Variants in USP19 observed in about 807,000 individuals in gnomAD.
The protein encoded by USP19 is ubiquitin carboxyl-terminal hydrolase 19.
In USP19, 40 loss-of-function variants were observed where a neutral mutation model predicts 144.8. That is an observed-to-expected ratio of 0.28 (90% CI 0.21 to 0.36). USP19 has a LOEUF of 0.36. Ranked by LOEUF, USP19 falls within the 10% of genes least tolerant of loss-of-function variation. The pLI is 1.00. For synonymous variants in USP19, 701 were observed against 709.3 expected, an observed-to-expected ratio of 0.99 and a Z score of 0.19; for missense variants, 1,518 against 1,822.5, an observed-to-expected ratio of 0.83 and a Z score of 3.04.
rs1392189910 is a variant in USP19, at chr3:49,112,184, G to C, written c.2765+100C>G. 3.2e-6 allele frequency: 5 copies of C among 1,541,398 alleles called. No homozygotes were observed. In the East Asian group the frequency reaches 9.6e-5, roughly 30 times the overall value. On this transcript the variant is annotated intron_variant, in intron 19 of 26. Transcript: ENST00000417901. This position sits in a 1 kb window ranked among gnomAD's most constrained non-coding sequence, Gnocchi z 4.9. ...AGAGCCTGGTAAAGTAGGGTGGCAA[G>C]TAGAAAGCTTAAGCATATGTGCCTT...
At position 49,117,506 on chromosome 3, in the gene USP19, G is replaced by C. The variant is rs1018102481; in HGVS notation, c.537C>G (p.Thr179=). The change falls in exon 5 of 27, where the codon ACC becomes ACG. Residue 179 remains threonine, a synonymous_variant. Coordinates refer to ENST00000417901, the MANE Select transcript of USP19 (RefSeq NM_001199161.2). This position sits in a 1 kb window ranked among gnomAD's most constrained non-coding sequence, Gnocchi z 4.4. ...EIKSSCAKVQ[T]RKGSLLHLTL... is the part of the protein sequence containing the mutation. ...TCAGGTGCAGGAGACTGCCCTTGCGGGTTTGCACTTTAGCACAAGAGCTTT... is the reference window on the plus strand; with the variant it reads ...TCAGGTGCAGGAGACTGCCCTTGCGCGTTTGCACTTTAGCACAAGAGCTTT... 6.8e-6 allele frequency: 11 copies of C among 1,614,012 alleles called. No individual in the cohort carries two copies. The highest frequency in any genetic ancestry group is 9.3e-6 in the Non-Finnish European group (11 of 1,180,052).
Position 49,112,221 on chromosome 3 carries a change from A to T in USP19, c.2765+63T>A, listed in dbSNP as rs1020373735. ...AGCATATGTGCCTTGGTGTGAAGGG[A>T]AGGAGCAGGGTGGCACATGGAAGGT... On this transcript the variant is annotated intron_variant, in intron 19 of 26. Coordinates refer to ENST00000417901, the MANE Select transcript of USP19 (RefSeq NM_001199161.2). The surrounding 1 kb of genome is among the most constrained non-coding windows in gnomAD (Gnocchi z 4.9). 5 of 1,560,120 alleles carry T rather than the reference A, an allele frequency of 3.2e-6. No individual in the cohort carries two copies. The highest frequency in any genetic ancestry group is 4.3e-6 in the Non-Finnish European group (5 of 1,152,046).
Position 49,115,752 on chromosome 3 carries a change from G to T in USP19, c.1664C>A (p.Thr555Asn), listed in dbSNP as rs201621305. Residue 555 changes from threonine to asparagine, a missense_variant, in exon 11 of 27, where the codon ACC becomes AAC. Thr to Asn is a moderately conservative substitution (Grantham distance 65). This residue lies in a region of USP19 where 707 missense variants were observed against 728.9 expected (regional missense o/e 0.97). Coordinates refer to ENST00000417901, the MANE Select transcript of USP19 (RefSeq NM_001199161.2). This position sits in a 1 kb window ranked among gnomAD's most constrained non-coding sequence, Gnocchi z 6.6. ...VATRTPMEHV[T>N]PKPETHLASP... ...GGCCAGGTGTGTCTCTGGCTTTGGG[G>T]TTACATGCTCCATGGGTGTGCGGGT... The T allele has an allele frequency of 3.0e-4, 485 of 1,612,642 alleles. No individual in the cohort carries two copies. The highest frequency in any genetic ancestry group is 3.7e-4 in the Non-Finnish European group (433 of 1,178,902).
chr3:49,115,158 C>T lies in USP19; in HGVS notation c.2023-41G>A. The stretch of plus-strand genomic sequence containing the variant: ...AAGGTGTGAACATGAAGCCCTAGCA[C>T]CCACTGCACACCCAGCTGGCTGGCC... On this transcript the variant is annotated intron_variant, in intron 13 of 26. Transcript: ENST00000417901. This position sits in a 1 kb window ranked among gnomAD's most constrained non-coding sequence, Gnocchi z 6.6. 1 of 1,613,078 alleles carries T rather than the reference C, an allele frequency of 6.2e-7. No homozygotes were observed. The highest frequency in any genetic ancestry group is 8.5e-7 in the Non-Finnish European group (1 of 1,179,526).
At position 49,115,859 on chromosome 3, in the gene USP19, CAG is replaced by C; in HGVS notation, c.1555_1556del (p.Leu519AspfsTer13). On this transcript the variant is annotated frameshift_variant, in exon 11 of 27. Coordinates refer to ENST00000417901, the MANE Select transcript of USP19 (RefSeq NM_001199161.2). LOFTEE classifies it high-confidence loss of function. The surrounding 1 kb of genome is among the most constrained non-coding windows in gnomAD (Gnocchi z 6.6). ...STPPGGAPHP[L>X]TGQEEARAVE... The stretch of plus-strand genomic sequence containing the variant: ...CAGCCCGGGCCTCCTCCTGGCCTGT[CAG>C]GGGGTGGGGAGCACCTCCTGGTGGG... The C allele has an allele frequency of 1.2e-6, 2 of 1,606,544 alleles. No homozygotes were observed. The highest frequency in any genetic ancestry group is 1.7e-6 in the Non-Finnish European group (2 of 1,176,598).
Position 49,114,385 on chromosome 3 carries a change from C to G in USP19, c.2293-101G>C, listed in dbSNP as rs2043726417. ...CCGGGGCTTCTGATGGCTCTCAGGGCCCCCACAGCCAACCAGCAAACTCTC... is the reference window on the plus strand; with the variant it reads ...CCGGGGCTTCTGATGGCTCTCAGGGGCCCCACAGCCAACCAGCAAACTCTC... On this transcript the variant is annotated intron_variant, in intron 15 of 26. Coordinates refer to ENST00000417901, the MANE Select transcript of USP19 (RefSeq NM_001199161.2). The surrounding 1 kb of genome is among the most constrained non-coding windows in gnomAD (Gnocchi z 4.5). 3 of 1,099,918 alleles carry G rather than the reference C, an allele frequency of 2.7e-6. No individual in the cohort carries two copies. The highest frequency in any genetic ancestry group is 2.3e-5 in the Admixed American group (1 of 42,690). 68.1% of individuals were successfully genotyped at this position (1,099,918 alleles called of 1,614,324 possible).
At chr3:49,113,081 C>G (rs1266879674) in intron 17 of USP19, among the ~76,000 whole-genome samples, 1 of 152,050 alleles carries the variant, frequency 6.6e-6, no homozygotes, top group Non-Finnish European at 1.5e-5. Context: ...AGAGGCAGAG[C>G]GAACATAGGG....
At chr3:49,109,050 G>A (rs2042734223) in intron 26 of USP19, 2 of 1,612,778 alleles carry the variant, frequency 1.2e-6, no homozygotes, top group Non-Finnish European at 1.7e-6. Context: ...AAGTACCGGA[G>A]GCAGCCCTCA....
In USP19 at chr3:49,116,308, T is replaced by C. The variant is rs1373708789; in HGVS notation, c.1327A>G (p.Thr443Ala). Residue 443 changes from threonine (T) to alanine (A), a missense_variant, in exon 9 of 27, where the codon ACC (threonine) becomes GCC (alanine). Thr to Ala is a moderately conservative substitution (Grantham distance 58). Coordinates refer to ENST00000417901, the MANE Select transcript of USP19 (RefSeq NM_001199161.2). This position sits in a 1 kb window ranked among gnomAD's most constrained non-coding sequence, Gnocchi z 5.0. The stretch of plus-strand genomic sequence containing the variant: ...AGCTTCACCTGCCAACGGAAGGTGG[T>C]GTGGGGCCCACAGCCCGGGTGCAGC... ...LRLHPGCGPH[T>A]TFRWQVKLRN... 6.2e-7 allele frequency: 1 copy of C among 1,612,924 alleles called. No homozygotes were observed. Among genetic ancestry groups the C allele is most frequent in the Non-Finnish European group, 8.5e-7 (1 of 1,179,760 alleles).
chr3:49,114,065 G>A lies in USP19; in HGVS notation c.2432C>T (p.Ser811Phe). ...KFLVSVSKENSTASEVLDSLS... is the reference protein window; with the variant it reads ...KFLVSVSKENFTASEVLDSLS... The stretch of plus-strand genomic sequence containing the variant: ...GGAGTCCAATACTTCGCTCGCAGTG[G>A]AGTTCTCCTTGCTGACGCTCACCAG... Residue 811 changes from serine (S) to phenylalanine (F), a missense_variant, in exon 17 of 27, where the codon TCC becomes TTC. This residue lies in a region of USP19 where 413 missense variants were observed against 515.8 expected (regional missense o/e 0.80). Transcript: ENST00000417901. The surrounding 1 kb of genome is among the most constrained non-coding windows in gnomAD (Gnocchi z 4.5). 1 of 1,614,232 alleles carries A rather than the reference G, an allele frequency of 6.2e-7. No homozygotes were observed. Among genetic ancestry groups the A allele is most frequent in the Non-Finnish European group, 8.5e-7 (1 of 1,180,036 alleles).
In USP19 at chr3:49,112,230, G is replaced by A. The variant is rs970452147; in HGVS notation, c.2765+54C>T. ...GCCTTGGTGTGAAGGGAAGGAGCAGGGTGGCACATGGAAGGTGGAAAGAAA... is the reference window on the plus strand; with the variant it reads ...GCCTTGGTGTGAAGGGAAGGAGCAGAGTGGCACATGGAAGGTGGAAAGAAA... On this transcript the variant is annotated intron_variant, in intron 19 of 26. Coordinates refer to ENST00000417901, the MANE Select transcript of USP19 (RefSeq NM_001199161.2). The surrounding 1 kb of genome is among the most constrained non-coding windows in gnomAD (Gnocchi z 4.9). The A allele has an allele frequency of 4.5e-6, 7 of 1,566,386 alleles. No individual in the cohort carries two copies. The South Asian group carries it at 5.8e-5, about 13-fold the overall frequency.
rs368566699 is a variant in USP19 at position 49,112,346 on chromosome 3, T to C, written c.2703A>G (p.Gln901=). ...GCTTCAGCTTTTCATCCTCCGACTG[T>C]TGCTTCCGCTGGCAGGCTGCACACT... ...ISKCAACQRK[Q]QSEDEKLKRC... The change falls in exon 19 of 27, where the codon CAA becomes CAG. Residue 901 remains glutamine (Q), a synonymous_variant. Coordinates refer to ENST00000417901, the MANE Select transcript of USP19 (RefSeq NM_001199161.2). This position sits in a 1 kb window ranked among gnomAD's most constrained non-coding sequence, Gnocchi z 4.9. 3 of 1,613,934 alleles carry C rather than the reference T, an allele frequency of 1.9e-6. No homozygotes were observed. Among genetic ancestry groups the C allele is most frequent in the East Asian group, 2.2e-5 (1 of 44,880 alleles).
chr3:49,114,720 T>G lies in USP19; in HGVS notation c.2292+43A>C. 4.4e-6 allele frequency: 7 copies of G among 1,600,386 alleles called. No homozygotes were observed. Among genetic ancestry groups the G allele is most frequent in the Non-Finnish European group, 6.0e-6 (7 of 1,168,264 alleles). ...CTGAACCTAATGTGACCAGAATAGC[T>G]GAGCTGAACTAGGGGGTCTCTTTCC... On this transcript the variant is annotated intron_variant, in intron 15 of 26. Transcript: ENST00000417901. The surrounding 1 kb of genome is among the most constrained non-coding windows in gnomAD (Gnocchi z 4.5).
At chr3:49,109,221 G>C (rs1350898571) in intron 26 of USP19, 2 of 1,452,978 alleles carry the variant, frequency 1.4e-6, no homozygotes, top group Non-Finnish European at 1.8e-6. Flanking sequence ...GCACCCCGGG[G>C]GTGGGGAGGA....
Position 49,119,107 on chromosome 3 carries a change from C to T in USP19, c.39G>A (p.Gly13=), listed in dbSNP as rs771088170. The T allele has an allele frequency of 1.9e-6, 3 of 1,613,844 alleles. No homozygotes were observed. Among genetic ancestry groups the T allele is most frequent in the South Asian group, 1.1e-5 (1 of 91,046 alleles). The change falls in exon 2 of 27, where the codon GGG becomes GGA. Residue 13 remains glycine (G), a synonymous_variant. Coordinates refer to ENST00000417901, the MANE Select transcript of USP19 (RefSeq NM_001199161.2). Reference sequence around the variant, plus strand: ...TAGTGGTGTCCTCCAGTCCTGGGGGCCCTCTCCTTGGGCCTGTGGCACTGG... The same window carrying T: ...TAGTGGTGTCCTCCAGTCCTGGGGGTCCTCTCCTTGGGCCTGTGGCACTGG... ...GGASATGPRR[G]PPGLEDTTSK... is the part of the protein sequence containing the mutation.
chr3:49,108,583 T>C lies in USP19; in HGVS notation c.4039-55A>G. Reference sequence around the variant, plus strand: ...GGGCTGCCCAGCATGCCGCCTGGCATCCCGGGGGTGCTGGCTTGGAGCCCT... The same window carrying C: ...GGGCTGCCCAGCATGCCGCCTGGCACCCCGGGGGTGCTGGCTTGGAGCCCT... On this transcript the variant is annotated intron_variant, in intron 26 of 26. Transcript: ENST00000417901. The surrounding 1 kb of genome is among the most constrained non-coding windows in gnomAD (Gnocchi z 4.8). 2.4e-6 allele frequency: 3 copies of C among 1,256,120 alleles called. No individual in the cohort carries two copies. Among genetic ancestry groups the C allele is most frequent in the South Asian group, 2.7e-5 (1 of 36,814 alleles). 77.8% of individuals were successfully genotyped at this position (1,256,120 alleles called of 1,614,324 possible).
chr3:49,115,841 G>C lies in USP19; in HGVS notation c.1575C>G (p.Ala525=). ...TGGATTTATCCTTCTCCACAGCCCG[G>C]GCCTCCTCCTGGCCTGTCAGGGGGT... is the stretch of plus-strand genomic sequence containing the variant. ...APHPLTGQEE[A]RAVEKDKSKA... The change falls in exon 11 of 27, where the codon GCC becomes GCG. Residue 525 remains alanine, a synonymous_variant. Coordinates refer to ENST00000417901, the MANE Select transcript of USP19 (RefSeq NM_001199161.2). This position sits in a 1 kb window ranked among gnomAD's most constrained non-coding sequence, Gnocchi z 6.6. 1 of 1,612,936 alleles carries C rather than the reference G, an allele frequency of 6.2e-7. No individual in the cohort carries two copies. Among genetic ancestry groups the C allele is most frequent in the Non-Finnish European group, 8.5e-7 (1 of 1,179,330 alleles).
At position 49,112,595 on chromosome 3, in the gene USP19, G is replaced by A. The variant is rs1202997702; in HGVS notation, c.2540C>T (p.Pro847Leu). ...GGACACAGTGTCCAGTGAGTGGGAG[G>A]GTAGGAACACACGATGAAAACGATT... is the stretch of plus-strand genomic sequence containing the variant. The part of the protein sequence containing the change: ...IKNRFHRVFL[P>L]SHSLDTVSPS... The change falls in exon 18 of 27, where the codon CCC (proline) becomes CTC (leucine). Residue 847 changes from proline to leucine, a missense_variant. Pro to Leu is a moderately conservative substitution (Grantham distance 98). Around this residue, in one of 5 missense-constraint regions of USP19, gnomAD observed 413 missense variants for 515.8 expected, o/e 0.80. Coordinates refer to ENST00000417901, the MANE Select transcript of USP19 (RefSeq NM_001199161.2). The surrounding 1 kb of genome is among the most constrained non-coding windows in gnomAD (Gnocchi z 4.9). 4 of 1,613,912 alleles carry A rather than the reference G, an allele frequency of 2.5e-6. No individual in the cohort carries two copies. Among genetic ancestry groups the A allele is most frequent in the Admixed American group, 3.3e-5 (2 of 59,990 alleles).
chr3:49,117,504 C>A lies in USP19; in HGVS notation c.539G>T (p.Arg180Leu), dbSNP rs199935062. The A allele has an allele frequency of 4.3e-6, 7 of 1,613,994 alleles. No homozygotes were observed. Among genetic ancestry groups the A allele is most frequent in the Admixed American group, 1.7e-5 (1 of 60,008 alleles). ...TGTCAGGTGCAGGAGACTGCCCTTG[C>A]GGGTTTGCACTTTAGCACAAGAGCT... ...IKSSCAKVQT[R>L]KGSLLHLTLP... Residue 180 changes from arginine (R) to leucine (L), a missense_variant, in exon 5 of 27, where the codon CGC becomes CTC. Physicochemically the swap from Arg to Leu is moderately radical, Grantham distance 102 (BLOSUM62 -2). This residue lies in a region of USP19 where 707 missense variants were observed against 728.9 expected (regional missense o/e 0.97). Coordinates refer to ENST00000417901, the MANE Select transcript of USP19 (RefSeq NM_001199161.2). This position sits in a 1 kb window ranked among gnomAD's most constrained non-coding sequence, Gnocchi z 4.4.
Sources: gnomAD v4.1 joint callset for allele counts (sites outside exome capture counted in the v4.1 genomes callset) on GRCh38, gnomAD v4.1.1 for gene constraint, gnomAD v4.1.1 regional missense constraint, Gnocchi (gnomAD v3.1) non-coding constraint, MANE v1.5 for transcripts, NCBI Gene and HGNC (gene_info 2026-07-23, HGNC 2026-07-21) for gene names.